Variants in WASF2 observed in about 807,000 individuals in gnomAD.
The protein encoded by WASF2 is WASP family member 2.
In WASF2, 14 loss-of-function variants were observed where a neutral mutation model predicts 45.0. The observed-to-expected ratio is 0.31, with a 90% CI of 0.21 to 0.49. WASF2 has a LOEUF of 0.49. Among genes scored for constraint, WASF2 ranks in the 20% least tolerant of loss-of-function variants. The probability of loss-of-function intolerance (pLI) is 0.99; values close to 1 mark genes in which losing one functional copy is unlikely to be tolerated. For missense variants in WASF2, 439 were observed against 636.1 expected (o/e 0.69, Z 3.33); for synonymous variants, 200 against 236.3 (o/e 0.85, Z 1.41).
intron 1 of WASF2, among the ~76,000 whole-genome samples, chr1:27,438,598 GA>G (rs1241563496): frequency 1.3e-5 from 2 of 152,202 alleles, no homozygotes; most frequent in African/African-American, 2.4e-5. Flanking sequence ...ACAACAAAAA[GA>G]AAATTCAGCA....
intron 4 of WASF2, among the ~76,000 whole-genome samples, chr1:27,417,027 A>G (rs1345613002): frequency 6.6e-6 from 1 of 152,176 alleles, no homozygotes; most frequent in Non-Finnish European, 1.5e-5. Context: ...AACATTAATA[A>G]TTTCTATATT....
intron 1 of WASF2, among the ~76,000 whole-genome samples, chr1:27,486,629 T>C (rs1429462957): frequency 2.6e-5 from 4 of 152,110 alleles, no homozygotes; most frequent in Admixed American, 2.0e-4. Flanking sequence ...AGTTAAAATA[T>C]AGCTAAAGAC....
chr1:27,464,409 T>G (rs2017588017), intron 1 of WASF2, among the ~76,000 whole-genome samples: 1 of 152,110 alleles, frequency 6.6e-6, no homozygotes, highest in Non-Finnish European at 1.5e-5. Flanking sequence ...TTCATATCTT[T>G]CATTAATTCA....
chr1:27,430,468 C>T (rs2017046330), intron 1 of WASF2, among the ~76,000 whole-genome samples: 1 of 152,128 alleles, frequency 6.6e-6, no homozygotes. Context: ...TCAAGCGATC[C>T]TCCTGCCTCA....
At chr1:27,483,525 GCTA>G (rs1418934489) in intron 1 of WASF2, among the ~76,000 whole-genome samples, 1 of 151,942 alleles carries the variant, frequency 6.6e-6, no homozygotes, top group Non-Finnish European at 1.5e-5. Flanking sequence ...AATCCCAGCT[GCTA>G]CTAGGTAAGG....
At chr1:27,425,891 T>C (rs1300157039) in intron 2 of WASF2, among the ~76,000 whole-genome samples, 1 of 145,694 alleles carries the variant, frequency 6.9e-6, no homozygotes, top group Non-Finnish European at 1.5e-5. Flanking sequence ...CACATGCCTG[T>C]AGTCCCAGCT....
chr1:27,455,815 T>C (rs536898158), intron 1 of WASF2, among the ~76,000 whole-genome samples: 9 of 152,312 alleles, frequency 5.9e-5, no homozygotes, highest in African/African-American at 1.7e-4. Context: ...CAAGCTTTCA[T>C]CTACTCCAAG....
At chr1:27,451,471 C>T (rs2017382466) in intron 1 of WASF2, among the ~76,000 whole-genome samples, 1 of 152,114 alleles carries the variant, frequency 6.6e-6, no homozygotes, top group Non-Finnish European at 1.5e-5. Context: ...ATAAGGCAGA[C>T]AAAAGCTGAG....
At chr1:27,463,802 TTA>T (rs1491026553) in intron 1 of WASF2, among the ~76,000 whole-genome samples, 2 of 121,442 alleles carry the variant, frequency 1.6e-5, no homozygotes, top group Admixed American at 7.8e-5. Context: ...ATTATTATTA[TTA>T]TTTTTTTTTT....
At chr1:27,426,868 C>T (rs1299952862) in intron 2 of WASF2, among the ~76,000 whole-genome samples, 1 of 152,094 alleles carries the variant, frequency 6.6e-6, no homozygotes, top group Non-Finnish European at 1.5e-5. Flanking sequence ...AATACCACCA[C>T]CTAATCTCAT....
intron 4 of WASF2, among the ~76,000 whole-genome samples, chr1:27,416,411 G>A (rs1378289557): frequency 6.6e-6 from 1 of 152,190 alleles, no homozygotes; most frequent in Non-Finnish European, 1.5e-5. Context: ...TGGCCACAGA[G>A]ATCTCCCTGA....
At chr1:27,489,121 G>C (rs1231712708) in intron 1 of WASF2, among the ~76,000 whole-genome samples, 1 of 151,674 alleles carries the variant, frequency 6.6e-6, no homozygotes, top group Non-Finnish European at 1.5e-5. Flanking sequence ...CCTCTCAGAG[G>C]CTCTAGGATT....
rs1310556385 is a variant in WASF2 at position 27,414,719 on chromosome 1, C to A, written c.668+114G>T. 10 of 1,409,618 alleles carry A rather than the reference C, an allele frequency of 7.1e-6. No individual in the cohort carries two copies. Among genetic ancestry groups the A allele is most frequent in the Non-Finnish European group, 9.6e-6 (10 of 1,040,772 alleles). The allele number at this position is 1,409,618 out of a possible 1,614,324, so 87.3% of individuals were successfully genotyped here. A position where few individuals can be genotyped will look rare whatever the true frequency, so the allele number is the denominator to read the frequency against. Reference sequence around the variant, plus strand: ...GTAGCTGATTAACAGTGGTATTGATCTAAGCCACAGAGACAGACTTCAGGG... The same window carrying A: ...GTAGCTGATTAACAGTGGTATTGATATAAGCCACAGAGACAGACTTCAGGG... On this transcript the variant is annotated intron_variant, in intron 6 of 8. Transcript: ENST00000618852. The surrounding 1 kb of genome is among the most constrained non-coding windows in gnomAD (Gnocchi z 4.1).
At chr1:27,419,199 C>T in intron 2 of WASF2, 111 bp from the exon 3 acceptor site, 1 of 1,187,096 alleles carries the variant, frequency 8.4e-7, no homozygotes, top group East Asian at 2.4e-5. Flanking sequence ...TACATATACA[C>T]ACACATACCC....
chr1:27,413,807 G>A (rs963999362), intron 6 of WASF2, among the ~76,000 whole-genome samples: 1 of 152,196 alleles, frequency 6.6e-6, no homozygotes, highest in Admixed American at 6.5e-5. Context: ...GGATTGGTCC[G>A]TGGAACAAAA....
intron 4 of WASF2, among the ~76,000 whole-genome samples, chr1:27,417,604 G>T (rs2016844317): frequency 6.6e-6 from 1 of 152,178 alleles, no homozygotes; most frequent in Non-Finnish European, 1.5e-5. Flanking sequence ...CTCTTCAGTG[G>T]TTTTTTGCAG....
rs527279113 is a variant in WASF2 at position 27,409,190 on chromosome 1, C to T, written c.1339+502G>A. Among the ~76,000 whole-genome samples the T allele has an allele frequency of 2.4e-3, 364 of 151,688 alleles. 1 individual carries two copies. Among genetic ancestry groups the T allele is most frequent in the Non-Finnish European group, 4.3e-3 (291 of 67,884 alleles). ...CTGTAATCCCAGCACTTTGGGAGGCCGAGGCGGGCGGATCACAAGGTCAGG... is the reference window on the plus strand; with the variant it reads ...CTGTAATCCCAGCACTTTGGGAGGCTGAGGCGGGCGGATCACAAGGTCAGG... On this transcript the variant is annotated intron_variant, in intron 8 of 8. Transcript: ENST00000618852.
chr1:27,461,038 C>T (rs1390380160), intron 1 of WASF2, among the ~76,000 whole-genome samples: 2 of 151,904 alleles, frequency 1.3e-5, no homozygotes, highest in Non-Finnish European at 2.9e-5. Context: ...CCCAACTACT[C>T]GGCAGGCTGA....
At chr1:27,459,923 C>T (rs759457826) in intron 1 of WASF2, among the ~76,000 whole-genome samples, 78 of 152,268 alleles carry the variant, frequency 5.1e-4, no homozygotes, top group Non-Finnish European at 9.0e-4. Context: ...AATACTAGCC[C>T]TCTATCAATG....
Sources: gnomAD v4.1 joint callset for allele counts (sites outside exome capture counted in the v4.1 genomes callset) on GRCh38, gnomAD v4.1.1 for gene constraint, Gnocchi (gnomAD v3.1) non-coding constraint, MANE v1.5 for transcripts, NCBI Gene and HGNC (gene_info 2026-07-23, HGNC 2026-07-21) for gene names.